The following TAF1 variants were observed in gnomAD, a reference collection of about 807,000 sequenced individuals.
TAF1 encodes transcription initiation factor TFIID subunit 1.
A neutral mutation model predicts 138.5 loss-of-function variants in TAF1; 2 were observed. The observed-to-expected ratio is 0.01, with a 90% CI of 0.01 to 0.05. The LOEUF is 0.05. Among genes scored for constraint, TAF1 ranks in the 10% least tolerant of loss-of-function variants. The pLI is 1.00. For synonymous variants in TAF1, 437 were observed against 503.2 expected (o/e 0.87, Z 1.76); for missense variants, 709 against 1,478.0 (o/e 0.48, Z 8.53).
chrX:71,445,595 A>G (rs2037656975), intron 32 of TAF1, among the ~76,000 whole-genome samples: 1 of 111,777 alleles, frequency 8.9e-6, no homozygotes, highest in African/African-American at 3.3e-5. Flanking sequence ...ACTATCAGGT[A>G]GAGTGATTCC....
In TAF1 at chrX:71,454,192, G is replaced by A. The variant is rs2038180329; in HGVS notation, c.4776G>A (p.Lys1592=). The change falls in exon 33 of 38, where the codon AAG becomes AAA. Residue 1592 remains lysine, a synonymous_variant. Transcript: ENST00000423759. ...KYNGPESQYT[K]TAQEIVNVCY... ...TAGGACCTGAGAGTCAGTATACTAA[G>A]ACTGCCCAGGAGATTGTGAACGTCT... 8.3e-7 allele frequency: 1 copy of A among 1,210,427 alleles called. No homozygotes were observed.
intron 13 of TAF1, among the ~76,000 whole-genome samples, chrX:71,514,074 G>A (rs1268633644): frequency 6.3e-5 from 7 of 111,664 alleles, no homozygotes; most frequent in Non-Finnish European, 1.3e-4. Flanking sequence ...TCTTGCTGCT[G>A]CTCACTCTTT....
chrX:71,421,084 A>G lies in TAF1; in HGVS notation c.4385-225A>G, dbSNP rs1235382855. On this transcript the variant is annotated intron_variant, in intron 28 of 37. Coordinates refer to ENST00000423759, the MANE Select transcript of TAF1 (RefSeq NM_004606.5). ...CAGTAGTACTACTGTGTGTAGATAC[A>G]CACAAGGAAAGAGTTAAAGTTAGTT... is the stretch of plus-strand genomic sequence containing the variant. Among the ~76,000 whole-genome samples the G allele has an allele frequency of 3.6e-5, 4 of 112,476 alleles. No homozygotes were observed. In the Admixed American group the frequency reaches 3.8e-4, roughly 11 times the overall value.
At chrX:71,373,623 T>C (rs1222564580) in intron 3 of TAF1, among the ~76,000 whole-genome samples, 1 of 112,007 alleles carries the variant, frequency 8.9e-6, no homozygotes, top group Non-Finnish European at 1.9e-5. Context: ...TTTCAGTGTT[T>C]TATAAGGTAC....
At chrX:71,504,570 T>G (rs1406362476) in intron 13 of TAF1, among the ~76,000 whole-genome samples, 2 of 106,423 alleles carry the variant, frequency 1.9e-5, no homozygotes, top group Non-Finnish European at 3.9e-5. Context: ...CAAAATGCTG[T>G]TAACTGCATA....
chrX:71,444,643 G>A (rs1468810763), intron 32 of TAF1, among the ~76,000 whole-genome samples: 1 of 111,582 alleles, frequency 9.0e-6, no homozygotes, highest in Non-Finnish European at 1.9e-5. Context: ...CTTGAGCCCG[G>A]GAGGTCAAGG....
At chrX:71,513,763 G>T (rs2039774194) in intron 13 of TAF1, among the ~76,000 whole-genome samples, 1 of 111,526 alleles carries the variant, frequency 9.0e-6, no homozygotes, top group Non-Finnish European at 1.9e-5. Context: ...GTGCATGCCT[G>T]TGAGAGGTGA....
At chrX:71,413,196 C>T (rs1315534984) in intron 28 of TAF1, among the ~76,000 whole-genome samples, 1 of 111,730 alleles carries the variant, frequency 9.0e-6, no homozygotes, top group East Asian at 2.8e-4. Flanking sequence ...CAGTCTGTAC[C>T]TAGGAGCCGA....
At chrX:71,418,339 C>T (rs73543084) in intron 28 of TAF1, among the ~76,000 whole-genome samples, 1,915 of 112,387 alleles carry the variant, frequency 0.017, 42 homozygotes, top group African/African-American at 0.058. Flanking sequence ...TGAAGCAATC[C>T]TCCTGCCTCA....
intron 18 of TAF1, among the ~76,000 whole-genome samples, chrX:71,390,851 C>T (rs993086537): frequency 2.7e-5 from 3 of 110,945 alleles, no homozygotes; most frequent in Non-Finnish European, 3.8e-5. Flanking sequence ...CAAAATGAGC[C>T]GGGCGTGGTG....
intron 32 of TAF1, among the ~76,000 whole-genome samples, chrX:71,450,263 C>T (rs2037897345): frequency 9.1e-6 from 1 of 109,397 alleles, no homozygotes; most frequent in Non-Finnish European, 1.9e-5. Flanking sequence ...AGTGCAGTGG[C>T]ATGATCTTGC....
At chrX:71,429,131 C>T (rs769204668) in intron 32 of TAF1, among the ~76,000 whole-genome samples, 8 of 110,302 alleles carry the variant, frequency 7.3e-5, no homozygotes, top group South Asian at 3.9e-4. Flanking sequence ...AAAAATTAGC[C>T]GGGCGTGGTG....
chrX:71,378,662 G>T (rs1295617660), intron 7 of TAF1, among the ~76,000 whole-genome samples, 162 bp from the exon 8 acceptor site: 1 of 111,667 alleles, frequency 9.0e-6, no homozygotes, highest in Non-Finnish European at 1.9e-5. Flanking sequence ...TGCTGTGCCA[G>T]ACTAGGAGTG....
At chrX:71,452,440 C>T (rs1238520881) in intron 32 of TAF1, among the ~76,000 whole-genome samples, 2 of 108,368 alleles carry the variant, frequency 1.8e-5, no homozygotes, top group Non-Finnish European at 3.8e-5. Context: ...GGGGCAGAGG[C>T]GCTCTCCACA....
chrX:71,393,223 TTTGTGTGTG>T (rs1362240170), intron 20 of TAF1, 69 bp from the exon 21 acceptor site: 1 of 1,094,775 alleles, frequency 9.1e-7, no homozygotes, highest in Non-Finnish European at 1.2e-6. Context: ...CCCTGAATGA[TTTGTGTGTG>T]TGTGTGTGTG....
intron 2 of TAF1, 57 bp downstream of exon 2, chrX:71,367,670 T>C (rs2032655940): frequency 2.6e-6 from 3 of 1,134,418 alleles, no homozygotes; most frequent in Non-Finnish European, 3.6e-6. Context: ...CTACTATGTA[T>C]GTACTTTTTT....
intron 18 of TAF1, among the ~76,000 whole-genome samples, chrX:71,390,496 T>G (rs978626530): frequency 9.0e-6 from 1 of 111,628 alleles, no homozygotes; most frequent in Non-Finnish European, 1.9e-5. Flanking sequence ...TAATTCTCCT[T>G]TCATTATGTA....
intron 33 of TAF1, 67 bp from the exon 34 acceptor site, chrX:71,454,674 T>C (rs757484383): frequency 4.0e-5 from 38 of 960,640 alleles, no homozygotes; most frequent in Non-Finnish European, 5.3e-5. Flanking sequence ...TTTTTGTCTT[T>C]TGTTTACTTT....
intron 13 of TAF1, among the ~76,000 whole-genome samples, chrX:71,501,017 C>T (rs997040715): frequency 5.8e-5 from 6 of 102,938 alleles, no homozygotes; most frequent in Admixed American, 5.4e-4. Context: ...GAGCCGAGAT[C>T]GAGCCATTGC....
Sources: gnomAD v4.1 joint callset for allele counts (sites outside exome capture counted in the v4.1 genomes callset) on GRCh38, gnomAD v4.1.1 for gene constraint, MANE v1.5 for transcripts, NCBI Gene and HGNC (gene_info 2026-07-23, HGNC 2026-07-21) for gene names.